The following PTPN11 variants were observed in gnomAD, a reference collection of about 807,000 sequenced individuals.
The protein encoded by PTPN11 is protein tyrosine phosphatase non-receptor type 11.
A neutral mutation model predicts 78.8 loss-of-function variants in PTPN11; 6 were observed. The ratio of observed to expected loss-of-function variants is 0.08; its 90% CI spans 0.04 to 0.15. PTPN11 has a LOEUF of 0.15. Among genes scored for constraint, PTPN11 ranks in the 10% least tolerant of loss-of-function variants. PTPN11 has a pLI of 1.00. For missense variants in PTPN11, 386 were observed against 744.8 expected (o/e 0.52, Z 5.61); for synonymous variants, 221 against 263.5 (o/e 0.84, Z 1.56).
intron 13 of PTPN11, among the ~76,000 whole-genome samples, chr12:112,497,404 G>GC (rs1388008045): frequency 6.6e-6 from 1 of 152,132 alleles, no homozygotes; most frequent in Non-Finnish European, 1.5e-5. Context: ...TTGATTAGAT[G>GC]CTGAGGTTGT....
At chr12:112,480,718 A>T (rs1167968958) in intron 9 of PTPN11, among the ~76,000 whole-genome samples, 1 of 152,012 alleles carries the variant, frequency 6.6e-6, no homozygotes, top group Admixed American at 6.6e-5. Context: ...TCTTTCAATT[A>T]ATCATTGACT....
At chr12:112,441,397 G>A (rs564431614) in intron 1 of PTPN11, among the ~76,000 whole-genome samples, 2 of 152,082 alleles carry the variant, frequency 1.3e-5, no homozygotes, top group South Asian at 4.2e-4. Flanking sequence ...GAGTAGCTGG[G>A]ACTACAGGCA....
At position 112,419,087 on chromosome 12, in the gene PTPN11, C is replaced by A. The variant is rs1250649560; in HGVS notation, c.-25C>A. Reference sequence around the variant, plus strand: ...GAGCCTGAGCAAGGAGCGGGTCCGTCGCGGAGCCGGAGGGCGGGAGGAACA... The same window carrying A: ...GAGCCTGAGCAAGGAGCGGGTCCGTAGCGGAGCCGGAGGGCGGGAGGAACA... On this transcript the variant is annotated 5_prime_UTR_variant, in exon 1 of 16. Transcript: ENST00000351677. The A allele has an allele frequency of 6.5e-7, 1 of 1,532,948 alleles. No homozygotes were observed. The allele number at this position is 1,532,948 out of a possible 1,614,324, so 95.0% of individuals were successfully genotyped here.
chr12:112,474,883 G>A (rs370729216), intron 7 of PTPN11, among the ~76,000 whole-genome samples: 4 of 151,532 alleles, frequency 2.6e-5, no homozygotes, highest in Admixed American at 6.6e-5. Flanking sequence ...TGCCTGCATC[G>A]GCCTCCCAAA....
intron 13 of PTPN11, 133 bp from the exon 14 acceptor site, chr12:112,502,011 G>A (rs753542901): frequency 2.8e-6 from 2 of 709,754 alleles, no homozygotes; most frequent in Non-Finnish European, 2.5e-6. Context: ...CAATGTATCA[G>A]TATTCTCAAC....
At chr12:112,431,139 T>G (rs1194600882) in intron 1 of PTPN11, among the ~76,000 whole-genome samples, 1 of 152,234 alleles carries the variant, frequency 6.6e-6, no homozygotes. Flanking sequence ...TGTGAAACTG[T>G]GTGGATGTAG....
At chr12:112,491,450 C>A (rs992101309) in intron 13 of PTPN11, among the ~76,000 whole-genome samples, 5 of 151,946 alleles carry the variant, frequency 3.3e-5, no homozygotes, top group Non-Finnish European at 7.4e-5. Context: ...AACATTTATA[C>A]CCCTTTGTCT....
At chr12:112,459,373 C>A (rs2038212658) in intron 6 of PTPN11, among the ~76,000 whole-genome samples, 1 of 151,708 alleles carries the variant, frequency 6.6e-6, no homozygotes. Context: ...ATAATATGGC[C>A]AATCTTTTTC....
intron 1 of PTPN11, among the ~76,000 whole-genome samples, chr12:112,434,222 G>T (rs1157976992): frequency 6.6e-6 from 1 of 152,148 alleles, no homozygotes; most frequent in East Asian, 1.9e-4. Context: ...TGAGGCTGCA[G>T]TGAGCCATGA....
intron 1 of PTPN11, among the ~76,000 whole-genome samples, chr12:112,443,290 A>G (rs931044800): frequency 1.3e-5 from 2 of 151,086 alleles, no homozygotes; most frequent in African/African-American, 2.4e-5. Flanking sequence ...GTTACTTGCT[A>G]AGTCTTGTTA....
chr12:112,463,589 C>T (rs1380910955), intron 6 of PTPN11, among the ~76,000 whole-genome samples: 1 of 152,142 alleles, frequency 6.6e-6, no homozygotes, highest in Non-Finnish European at 1.5e-5. Context: ...AAGATGGTTG[C>T]TTCTAAATGC....
rs1225568154 is a variant in PTPN11 at position 112,486,618 on chromosome 12, G to C, written c.1368G>C (p.Val456=). The C allele has an allele frequency of 1.9e-6, 3 of 1,612,544 alleles. No homozygotes were observed. Among genetic ancestry groups the C allele is most frequent in the Non-Finnish European group, 2.5e-6 (3 of 1,180,022 alleles). Residue 456 remains valine, a synonymous_variant, in exon 11 of 16, where the codon GTG becomes GTC. Transcript: ENST00000351677. ...QESIMDAGPV[V]VHCSAGIGRT... is the part of the protein sequence containing the mutation. ...GCATCATGGATGCAGGGCCGGTCGT[G>C]GTGCACTGCAGGTGACAGCTCCTGC...
At chr12:112,420,580 G>T (rs929823211) in intron 1 of PTPN11, among the ~76,000 whole-genome samples, 6 of 152,154 alleles carry the variant, frequency 3.9e-5, no homozygotes, top group African/African-American at 1.4e-4. Flanking sequence ...CTGACCTCGT[G>T]ATCCGCCCGC....
At chr12:112,430,781 G>A (rs562990547) in intron 1 of PTPN11, among the ~76,000 whole-genome samples, 2 of 151,478 alleles carry the variant, frequency 1.3e-5, no homozygotes, top group South Asian at 2.1e-4. Flanking sequence ...TTGTTACCCA[G>A]ACTGCAAGTT....
chr12:112,465,763 T>A (rs1200341103), intron 6 of PTPN11, among the ~76,000 whole-genome samples: 5 of 152,206 alleles, frequency 3.3e-5, no homozygotes, highest in African/African-American at 1.2e-4. Flanking sequence ...TACCAAAGTC[T>A]CAGAGATTCT....
At chr12:112,494,479 A>G (rs184806739) in intron 13 of PTPN11, among the ~76,000 whole-genome samples, 1 of 140,514 alleles carries the variant, frequency 7.1e-6, no homozygotes. Flanking sequence ...TTTTGTTGTT[A>G]TTGCTTGAAT....
intron 9 of PTPN11, among the ~76,000 whole-genome samples, chr12:112,479,555 C>A (rs940835104): frequency 6.6e-6 from 1 of 152,172 alleles, no homozygotes; most frequent in South Asian, 2.1e-4. Context: ...TTTCCTTCAG[C>A]AAATGCCTGT....
intron 2 of PTPN11, among the ~76,000 whole-genome samples, chr12:112,447,769 G>A (rs1294541783): frequency 6.6e-6 from 1 of 150,606 alleles, no homozygotes; most frequent in Non-Finnish European, 1.5e-5. Flanking sequence ...CAAAGTGCTG[G>A]AATTACAGGC....
chr12:112,462,657 AC>A (rs1477240307), intron 6 of PTPN11, among the ~76,000 whole-genome samples: 1 of 152,202 alleles, frequency 6.6e-6, no homozygotes, highest in East Asian at 1.9e-4. Flanking sequence ...CCCATATCCC[AC>A]TTTTTCTTAA....
Sources: allele counts gnomAD v4.1 joint callset (sites outside exome capture counted in the v4.1 genomes callset), GRCh38; gene constraint gnomAD v4.1.1; transcripts MANE v1.5; gene names NCBI Gene and HGNC (gene_info 2026-07-23, HGNC 2026-07-21).